The following CCDC186 variants were observed in gnomAD, a reference collection of about 807,000 sequenced individuals.
The protein encoded by CCDC186 is coiled-coil domain containing 186, also known as coiled-coil domain-containing protein 186.
In CCDC186, 49 loss-of-function variants were observed where a neutral mutation model predicts 113.7. The observed-to-expected ratio is 0.43, with a 90% CI of 0.34 to 0.55. The LOEUF (loss-of-function observed/expected upper bound fraction) is 0.55, where lower values mean the gene tolerates loss of function less well. CCDC186 is among the 20% of genes least tolerant of loss of function. CCDC186 has a pLI of 0.02. For missense variants in CCDC186, 890 were observed against 1,011.1 expected, an observed-to-expected ratio of 0.88 and a Z score of 1.62; for synonymous variants, 355 against 345.8, an observed-to-expected ratio of 1.03 and a Z score of -0.30.
In CCDC186 at chr10:114,163,989, T is replaced by C. The variant is rs547721095; in HGVS notation, c.-61-660A>G. ...CATTCTCATCAGGAAAAAAACAATG[T>C]CCAGTACAAATAAAATGGAGCCCAT... On this transcript the variant is annotated intron_variant, in intron 1 of 15. Transcript: ENST00000369287. Among the ~76,000 whole-genome samples the C allele has an allele frequency of 1.3e-4, 20 of 150,698 alleles. No homozygotes were observed. In the South Asian group the frequency reaches 4.0e-3, roughly 30 times the overall value.
chr10:114,136,386 T>C (rs1215179940), intron 7 of CCDC186, 140 bp from the exon 8 acceptor site: 1 of 590,056 alleles, frequency 1.7e-6, no homozygotes, highest in East Asian at 2.8e-5. Context: ...TGTTTAGAAA[T>C]AACTCCAAGA....
chr10:114,154,137 ATAGG>A (rs1246537990), intron 3 of CCDC186, among the ~76,000 whole-genome samples: 1 of 150,998 alleles, frequency 6.6e-6, no homozygotes, highest in African/African-American at 2.4e-5. Context: ...CTTGAGCCTC[ATAGG>A]TAGAGGTTGC....
At chr10:114,132,715 C>T (rs1005653642) in intron 10 of CCDC186, among the ~76,000 whole-genome samples, 1 of 152,072 alleles carries the variant, frequency 6.6e-6, no homozygotes, top group South Asian at 2.1e-4. Flanking sequence ...GATCCCTGAC[C>T]TAAAGGCAAA....
chr10:114,124,934 T>C lies in CCDC186; in HGVS notation c.*209A>G, dbSNP rs939344123. 1.6e-5 allele frequency: 7 copies of C among 424,990 alleles called. No homozygotes were observed. The highest frequency in any genetic ancestry group is 2.5e-5 in the Non-Finnish European group (6 of 240,576). The allele number at this position is 424,990 out of a possible 1,614,324, so 26.3% of individuals were successfully genotyped here. ...AATGACAGGCTGTCATATTGCACCA[T>C]ACAAAAACAAATTTCATCAAAGCTT... On this transcript the variant is annotated 3_prime_UTR_variant, in exon 16 of 16. Coordinates refer to ENST00000369287, the MANE Select transcript of CCDC186 (RefSeq NM_018017.4).
intron 1 of CCDC186, among the ~76,000 whole-genome samples, chr10:114,168,756 A>C (rs888452385): frequency 1.3e-5 from 2 of 152,204 alleles, no homozygotes; most frequent in African/African-American, 4.8e-5. Flanking sequence ...TCTTACTACT[A>C]CTTGGCTGCC....
intron 7 of CCDC186, 50 bp from the exon 8 acceptor site, chr10:114,136,296 G>C (rs749056329): frequency 5.8e-6 from 8 of 1,369,056 alleles, no homozygotes; most frequent in Non-Finnish European, 8.2e-6. Context: ...CCCATTTCCC[G>C]TTTGCCCTGA....
intron 1 of CCDC186, chr10:114,173,099 T>C (rs1375928965): frequency 7.6e-6 from 3 of 392,254 alleles, no homozygotes; most frequent in Non-Finnish European, 1.6e-5. Context: ...AAGCTGGGCA[T>C]CAAAGGAACA....
rs199733183 is a variant in CCDC186, at chr10:114,157,684, A to C, written c.633-4T>G. On this transcript the variant is annotated splice_polypyrimidine_tract_variant and splice_region_variant and intron_variant, in intron 2 of 15. Coordinates refer to ENST00000369287, the MANE Select transcript of CCDC186 (RefSeq NM_018017.4). ...CTTCTTATTTTCTTTAATTAACCTAAATATAAAAAGGGCAGTGTATGTAAA... is the reference window on the plus strand; with the variant it reads ...CTTCTTATTTTCTTTAATTAACCTACATATAAAAAGGGCAGTGTATGTAAA... 1.6e-5 allele frequency: 26 copies of C among 1,576,200 alleles called. No homozygotes were observed. In the East Asian group the frequency reaches 5.2e-4, roughly 31 times the overall value.
In CCDC186 at chr10:114,125,960, C is replaced by T; in HGVS notation, c.2539G>A (p.Glu847Lys). 6.2e-7 allele frequency: 1 copy of T among 1,613,984 alleles called. No homozygotes were observed. The highest frequency in any genetic ancestry group is 8.5e-7 in the Non-Finnish European group (1 of 1,179,944). ...TTTCGGTTGATTTCCAAAGAGAGCT[C>T]CAATGTTAATCCATTGTCAGCTGGA... Reference protein sequence around the residue: ...SHPADNGLTLELSLEINRKLQ... With the variant: ...SHPADNGLTLKLSLEINRKLQ... The change falls in exon 15 of 16, where the codon GAG (glutamate) becomes AAG (lysine). Residue 847 changes from glutamate to lysine, a missense_variant. Coordinates refer to ENST00000369287, the MANE Select transcript of CCDC186 (RefSeq NM_018017.4).
intron 2 of CCDC186, among the ~76,000 whole-genome samples, chr10:114,159,777 A>G (rs1270609719): frequency 2.0e-5 from 3 of 152,000 alleles, no homozygotes; most frequent in Non-Finnish European, 4.4e-5. Context: ...CAACATCGTG[A>G]AACCCCATCT....
intron 6 of CCDC186, among the ~76,000 whole-genome samples, chr10:114,138,033 G>C (rs1321554634): frequency 1.4e-5 from 1 of 69,696 alleles, no homozygotes; most frequent in East Asian, 4.7e-4. Context: ...GTGAAACTCG[G>C]TCTCAAAAAA....
intron 5 of CCDC186, 39 bp from the exon 6 acceptor site, chr10:114,144,655 G>C (rs1419413412): frequency 2.2e-5 from 33 of 1,530,252 alleles, no homozygotes; most frequent in Non-Finnish European, 2.9e-5. Flanking sequence ...TTCATTTATA[G>C]AATCAATTAA....
intron 4 of CCDC186, among the ~76,000 whole-genome samples, chr10:114,148,167 A>G (rs1474282499): frequency 2.0e-5 from 3 of 152,092 alleles, no homozygotes; most frequent in African/African-American, 7.2e-5. Context: ...AGTCTTCACT[A>G]TAGCAGGGAA....
At chr10:114,133,121 G>A (rs1389676605) in intron 10 of CCDC186, among the ~76,000 whole-genome samples, 1 of 152,170 alleles carries the variant, frequency 6.6e-6, no homozygotes, top group Non-Finnish European at 1.5e-5. Flanking sequence ...GATTAGAGAG[G>A]ATATAAGCAG....
chr10:114,123,081 A>G lies in CCDC186; in HGVS notation c.*2062T>C, dbSNP rs1436301813. 1 of 152,608 alleles carries G rather than the reference A, an allele frequency of 6.6e-6. No individual in the cohort carries two copies. The highest frequency in any genetic ancestry group is 1.5e-5 in the Non-Finnish European group (1 of 68,022). 9.5% of individuals were successfully genotyped at this position (152,608 alleles called of 1,614,324 possible). On this transcript the variant is annotated 3_prime_UTR_variant, in exon 16 of 16. Coordinates refer to ENST00000369287, the MANE Select transcript of CCDC186 (RefSeq NM_018017.4). ...TTGGGGAAAAAAATCCAAATATTGT[A>G]GTTTATGAACCTGTATCATAAGAAA...
chr10:114,165,958 T>C (rs1014384998), intron 1 of CCDC186: 4 of 984,280 alleles, frequency 4.1e-6, no homozygotes, highest in South Asian at 9.4e-5. Flanking sequence ...AACAATGAGT[T>C]TGTGACTTCA....
chr10:114,129,810 G>A, intron 13 of CCDC186, 81 bp downstream of exon 13: 1 of 1,242,426 alleles, frequency 8.0e-7, no homozygotes, highest in South Asian at 1.2e-5. Flanking sequence ...GATTACAGGT[G>A]TGAGCCATCA....
chr10:114,159,263 C>T (rs1227690904), intron 2 of CCDC186, among the ~76,000 whole-genome samples: 1 of 152,142 alleles, frequency 6.6e-6, no homozygotes, highest in Non-Finnish European at 1.5e-5. Flanking sequence ...ACACAAGAGT[C>T]CTGCCTATAG....
intron 12 of CCDC186, 170 bp downstream of exon 12, chr10:114,130,977 T>C (rs2031067999): frequency 2.1e-6 from 1 of 480,476 alleles, no homozygotes; most frequent in Non-Finnish European, 3.5e-6. Flanking sequence ...AGATATCCTT[T>C]AGGATAAAAG....
Sources: gnomAD v4.1 joint callset for allele counts (sites outside exome capture counted in the v4.1 genomes callset) on GRCh38, gnomAD v4.1.1 for gene constraint, MANE v1.5 for transcripts, NCBI Gene and HGNC (gene_info 2026-07-23, HGNC 2026-07-21) for gene names.